Variants in OSBPL9 observed in about 807,000 individuals in gnomAD.
OSBPL9 encodes oxysterol-binding protein-related protein 9.
In OSBPL9, 40 loss-of-function variants were observed where a neutral mutation model predicts 106.6. The observed-to-expected ratio is 0.38, with a 90% CI of 0.29 to 0.49. OSBPL9 has a LOEUF of 0.49. Among genes scored for constraint, OSBPL9 ranks in the 20% least tolerant of loss-of-function variants. The probability of loss-of-function intolerance (pLI) is 0.97; values close to 1 mark genes in which losing one functional copy is unlikely to be tolerated. For missense variants in OSBPL9, 609 were observed against 887.2 expected (o/e 0.69, Z 3.98); for synonymous variants, 269 against 295.4 (o/e 0.91, Z 0.92).
the OSBPL9 span, among the ~76,000 whole-genome samples, chr1:51,532,365 G>A: frequency 8.2e-4 from 124 of 152,140 alleles, no homozygotes; most frequent in Non-Finnish European, 1.5e-3. Flanking sequence ...AGCAAGAGAG[G>A]GAATTGCTGG....
At chr1:51,591,368 G>T (rs1350257592) in intron 1 of OSBPL9, among the ~76,000 whole-genome samples, 3 of 152,102 alleles carry the variant, frequency 2.0e-5, no homozygotes, top group Non-Finnish European at 4.4e-5. Context: ...CACCACCCCT[G>T]CCCACTCTTT....
chr1:51,538,015 G>A, the OSBPL9 span, among the ~76,000 whole-genome samples: 1 of 151,944 alleles, frequency 6.6e-6, no homozygotes, highest in African/African-American at 2.4e-5. Context: ...TATAGGCTGG[G>A]CATGGTGGCT....
chr1:51,743,127 T>C (rs1212579523), intron 4 of OSBPL9, among the ~76,000 whole-genome samples: 1 of 152,272 alleles, frequency 6.6e-6, no homozygotes, highest in African/African-American at 2.4e-5. Context: ...ACTATATACA[T>C]AAATTTTCCT....
At chr1:51,680,457 C>G (rs1652282095) in intron 3 of OSBPL9, among the ~76,000 whole-genome samples, 1 of 151,718 alleles carries the variant, frequency 6.6e-6, no homozygotes, top group East Asian at 1.9e-4. Context: ...GAGTTTGAGA[C>G]CAGCCTAGCC....
the OSBPL9 span, among the ~76,000 whole-genome samples, chr1:51,543,219 T>A: frequency 6.6e-6 from 1 of 152,184 alleles, no homozygotes; most frequent in Non-Finnish European, 1.5e-5. Flanking sequence ...TCTTAATGCA[T>A]CAGGATGGAA....
At chr1:51,749,558 T>A in intron 7 of OSBPL9, 1 of 405,384 alleles carries the variant, frequency 2.5e-6, no homozygotes, top group South Asian at 1.8e-5. Context: ...CGATCCTCCT[T>A]CCTTGGCCTA....
chr1:51,771,983 A>G, intron 12 of OSBPL9, 87 bp from the exon 13 acceptor site: 1 of 904,584 alleles, frequency 1.1e-6, no homozygotes, highest in Non-Finnish European at 1.7e-6. Flanking sequence ...ATATGCATGC[A>G]TGTAACCAGC....
At chr1:51,685,693 C>T (rs537518690) in intron 3 of OSBPL9, among the ~76,000 whole-genome samples, 5 of 152,262 alleles carry the variant, frequency 3.3e-5, no homozygotes, top group East Asian at 3.9e-4. Context: ...TCACTGCACC[C>T]GGCCCCTACT....
intron 14 of OSBPL9, 73 bp from the exon 15 acceptor site, chr1:51,776,760 C>CTT (rs57902123): frequency 7.6e-4 from 609 of 801,004 alleles, no homozygotes; most frequent in South Asian, 1.2e-3. Flanking sequence ...GTTTTGTTTT[C>CTT]TTTTTTTTTT....
intron 1 of OSBPL9, among the ~76,000 whole-genome samples, chr1:51,593,000 T>C (rs1465565922): frequency 6.6e-6 from 1 of 152,154 alleles, no homozygotes; most frequent in Non-Finnish European, 1.5e-5. Flanking sequence ...CTGAAATCCA[T>C]CAGGAAGTAG....
chr1:51,706,689 T>TTA (rs147927507), intron 3 of OSBPL9, among the ~76,000 whole-genome samples: 2,605 of 148,406 alleles, frequency 0.018, 18 homozygotes, highest in African/African-American at 0.027. Flanking sequence ...ATATATGAAT[T>TTA]TATATATATA....
At chr1:51,576,865 T>C (rs541667956), upstream of OSBPL9, among the ~76,000 whole-genome samples, 9 of 152,288 alleles carry the variant, frequency 5.9e-5, no homozygotes, top group African/African-American at 1.9e-4. Flanking sequence ...ATCTTGTAAG[T>C]GGTAGACCTG....
At chr1:51,549,867 A>ATT in the OSBPL9 span, among the ~76,000 whole-genome samples, 1 of 152,038 alleles carries the variant, frequency 6.6e-6, no homozygotes, top group Non-Finnish European at 1.5e-5. Flanking sequence ...TTAAAAAGGC[A>ATT]TTTTTTTTCC....
At chr1:51,755,172 CCAAGCAGATTAATA>C (rs1362820507) in intron 8 of OSBPL9, among the ~76,000 whole-genome samples, 1 of 151,908 alleles carries the variant, frequency 6.6e-6, no homozygotes, top group Non-Finnish European at 1.5e-5. Flanking sequence ...TTATGGCAGC[CCAAGCAGATTAATA>C]CAAGTGGTAA....
At chr1:51,671,205 A>C (rs377118032) in intron 3 of OSBPL9, among the ~76,000 whole-genome samples, 7 of 152,092 alleles carry the variant, frequency 4.6e-5, no homozygotes, top group Admixed American at 4.6e-4. Context: ...TTTGCAAAGA[A>C]CTTGGTAAGA....
At position 51,592,108 on chromosome 1, in the gene OSBPL9, C is replaced by CTTTTTTTTTTTT. The variant is rs34379031; in HGVS notation, c.-422-6003_-422-5992dup. ...CCTCAACGATTACTTGTTGCTAAGG[C>CTTTTTTTTTTTT]TTTTTTTTTTTTTTTTTTTTTTTTG... is the stretch of plus-strand genomic sequence containing the variant. On this transcript the variant is annotated intron_variant, in intron 1 of 25. Transcript: ENST00000371714. 9.1e-5 allele frequency among the ~76,000 whole-genome samples: 7 copies of CTTTTTTTTTTTT among 77,000 alleles called. No individual in the cohort carries two copies. In the East Asian group the frequency reaches 2.3e-3, roughly 25 times the overall value. 50.5% of individuals were successfully genotyped at this position (77,000 alleles called of 152,430 possible).
At chr1:51,696,812 TA>T (rs889102044) in intron 3 of OSBPL9, among the ~76,000 whole-genome samples, 10 of 152,196 alleles carry the variant, frequency 6.6e-5, no homozygotes, top group African/African-American at 2.4e-4. Context: ...CGTTTTTTTT[TA>T]TTTTTTATTT....
At position 51,782,540 on chromosome 1, in the gene OSBPL9, A is replaced by G; in HGVS notation, c.1429-19A>G. 6.2e-7 allele frequency: 1 copy of G among 1,609,056 alleles called. No homozygotes were observed. Among genetic ancestry groups the G allele is most frequent in the Non-Finnish European group, 8.5e-7 (1 of 1,176,504 alleles). On this transcript the variant is annotated intron_variant, in intron 16 of 23. Coordinates refer to ENST00000428468, the MANE Select transcript of OSBPL9 (RefSeq NM_024586.6). ...TGTGTTTTCTCATCAAAAGAAAATT[A>G]TGTTATATTTGCTTGCAGGAACTAG... is the stretch of plus-strand genomic sequence containing the variant.
chr1:51,634,595 A>T (rs556562312), intron 1 of OSBPL9, among the ~76,000 whole-genome samples: 1 of 152,264 alleles, frequency 6.6e-6, no homozygotes. Context: ...AGACTCAAAG[A>T]AAGGCCAACT....
Sources: gnomAD v4.1 joint callset for allele counts (sites outside exome capture counted in the v4.1 genomes callset) on GRCh38, gnomAD v4.1.1 for gene constraint, MANE v1.5 for transcripts, NCBI Gene and HGNC (gene_info 2026-07-23, HGNC 2026-07-21) for gene names.